Variants in LMF1 observed in about 807,000 individuals in gnomAD.
LMF1 encodes the protein lipase maturation factor 1.
A neutral mutation model predicts 60.6 loss-of-function variants in LMF1; 68 were observed. That is an observed-to-expected ratio of 1.12 (90% CI 0.92 to 1.37). LMF1 has a LOEUF of 1.37. Among genes scored for constraint, LMF1 ranks in the 40% most tolerant of loss-of-function variants. LMF1 has a pLI of 0.00. For missense variants in LMF1, 948 were observed against 767.2 expected, an observed-to-expected ratio of 1.24 and a Z score of -2.78; for synonymous variants, 418 against 324.7, an observed-to-expected ratio of 1.29 and a Z score of -3.09.
rs535682291 is a variant in LMF1, at chr16:870,351, G to A, written c.1233-285C>T. 4.8e-3 allele frequency among the ~76,000 whole-genome samples: 726 copies of A among 152,354 alleles called. 7 individuals carry two copies. Among genetic ancestry groups the A allele is most frequent in the African/African-American group, 0.017 (695 of 41,584 alleles). On this transcript the variant is annotated intron_variant, in intron 8 of 10. Transcript: ENST00000262301. ...CCTCGGCAGCTCAGGGTGGACATGA[G>A]GGGGACAGAGGCCAAGGGGCTGGCC...
At chr16:958,088 A>G (rs1489700485) in intron 1 of LMF1, among the ~76,000 whole-genome samples, 1 of 152,224 alleles carries the variant, frequency 6.6e-6, no homozygotes, top group Non-Finnish European at 1.5e-5. Flanking sequence ...TTACACAAAA[A>G]TTAACCAAAA....
chr16:895,026 C>T (rs1380861020), intron 4 of LMF1, among the ~76,000 whole-genome samples: 4 of 152,266 alleles, frequency 2.6e-5, no homozygotes, highest in African/African-American at 7.2e-5. Context: ...CAGGCAGAAG[C>T]GTGGGGTACA....
intron 3 of LMF1, among the ~76,000 whole-genome samples, chr16:919,418 G>A (rs932545879): frequency 1.1e-4 from 17 of 152,134 alleles, no homozygotes; most frequent in Non-Finnish European, 2.4e-4. Context: ...CACAGCTCCT[G>A]CCCCACCTTC....
intron 1 of LMF1, among the ~76,000 whole-genome samples, chr16:960,246 G>A (rs943042137): frequency 6.6e-6 from 1 of 152,230 alleles, no homozygotes; most frequent in African/African-American, 2.4e-5. Context: ...TGGAGGAGCT[G>A]AGCAGCAAAC....
Position 853,971 on chromosome 16 carries a change from T to A in LMF1, c.*561A>T, listed in dbSNP as rs1248959190. The A allele has an allele frequency of 2.2e-6, 1 of 453,658 alleles. No individual in the cohort carries two copies. Among genetic ancestry groups the A allele is most frequent in the Non-Finnish European group, 4.4e-6 (1 of 226,686 alleles). The allele number at this position is 453,658 out of a possible 1,614,324, so 28.1% of individuals were successfully genotyped here. On this transcript the variant is annotated 3_prime_UTR_variant, in exon 11 of 11. Transcript: ENST00000262301. ...GTGTAGGCTGTGGCGGGGGTGGAGA[T>A]GAGGGATAGGACAGAAAATGGCCCA...
intron 1 of LMF1, among the ~76,000 whole-genome samples, chr16:969,542 GCA>G (rs1158101297): frequency 6.6e-6 from 1 of 152,232 alleles, no homozygotes; most frequent in African/African-American, 2.4e-5. Flanking sequence ...GACGTGTGTG[GCA>G]CAAAGGCTGT....
rs1289781620 is a variant in LMF1, at chr16:878,930, G to A, written c.897+640C>T. Among the ~76,000 whole-genome samples, 1 of 152,218 alleles carries A rather than the reference G, an allele frequency of 6.6e-6. No individual in the cohort carries two copies. Among genetic ancestry groups the A allele is most frequent in the African/African-American group, 2.4e-5 (1 of 41,442 alleles). ...ACCACATTTTCCTTGGGAATTGACA[G>A]TCGGAATGTAGCGTTTACAGGGAAA... is the stretch of plus-strand genomic sequence containing the variant. On this transcript the variant is annotated intron_variant, in intron 6 of 10. Coordinates refer to ENST00000262301, the MANE Select transcript of LMF1 (RefSeq NM_022773.4). The surrounding 1 kb of genome is among the most constrained non-coding windows in gnomAD (Gnocchi z 5.2).
intron 1 of LMF1, chr16:964,088 G>A (rs1207147756): frequency 6.6e-6 from 3 of 455,972 alleles, no homozygotes; most frequent in East Asian, 7.0e-5. Flanking sequence ...ATACCGTGTC[G>A]CCCGAGCAGC....
chr16:925,234 A>C, intron 3 of LMF1, among the ~76,000 whole-genome samples: 1 of 152,246 alleles, frequency 6.6e-6, no homozygotes, highest in East Asian at 1.9e-4. Context: ...AGCCACGTTG[A>C]AGATTCTAGA....
chr16:859,210 C>CGCGA (rs2069338164), intron 10 of LMF1, among the ~76,000 whole-genome samples: 1 of 115,308 alleles, frequency 8.7e-6, no homozygotes, highest in Non-Finnish European at 1.7e-5. Flanking sequence ...AGTGGTGTCT[C>CGCGA]GGGACGGGTG....
chr16:911,167 C>T (rs1173199677), intron 3 of LMF1, 88 bp from the exon 4 acceptor site: 11 of 1,454,320 alleles, frequency 7.6e-6, no homozygotes, highest in East Asian at 7.4e-5. Flanking sequence ...TTAATGGAAA[C>T]GGTCCTTGAG....
At chr16:940,652 C>G (rs746874694) in intron 2 of LMF1, among the ~76,000 whole-genome samples, 4 of 152,246 alleles carry the variant, frequency 2.6e-5, no homozygotes, top group Non-Finnish European at 5.9e-5. Context: ...ATCCTTAGGT[C>G]AGATGACAAA....
chr16:980,729 G>C (rs1290794637), intron 1 of LMF1: 2 of 151,928 alleles, frequency 1.3e-5, no homozygotes, highest in Admixed American at 6.5e-5. Flanking sequence ...CCGGACCCGC[G>C]GTTGGACGTT....
intron 10 of LMF1, among the ~76,000 whole-genome samples, chr16:868,584 C>T (rs1020134224): frequency 1.3e-5 from 2 of 152,168 alleles, no homozygotes; most frequent in African/African-American, 4.8e-5. Context: ...GGAGTGAGGG[C>T]CCTGCCTGTC....
chr16:934,098 G>T, intron 3 of LMF1, 146 bp downstream of exon 3: 1 of 1,537,404 alleles, frequency 6.5e-7, no homozygotes, highest in Non-Finnish European at 8.7e-7. Context: ...CAGATCACAA[G>T]CGCCCATCAC....
chr16:964,275 G>A (rs1346195088), intron 1 of LMF1, among the ~76,000 whole-genome samples: 4 of 103,928 alleles, frequency 3.8e-5, no homozygotes, highest in Non-Finnish European at 5.6e-5. Context: ...CAGCCTGGGC[G>A]AAAAAGTGAA....
At chr16:964,029 A>G in intron 1 of LMF1, 1 of 456,020 alleles carries the variant, frequency 2.2e-6, no homozygotes, top group South Asian at 1.5e-5. Context: ...CGCCTCTCAC[A>G]GGGACCCAGA....
chr16:919,191 C>T (rs1050924846), intron 3 of LMF1, among the ~76,000 whole-genome samples: 2 of 152,126 alleles, frequency 1.3e-5, no homozygotes, highest in Non-Finnish European at 2.9e-5. Flanking sequence ...CGGCAGTCGG[C>T]GTTTCCAGGT....
At chr16:886,420 C>T (rs191390002) in intron 5 of LMF1, among the ~76,000 whole-genome samples, 4 of 152,170 alleles carry the variant, frequency 2.6e-5, no homozygotes, top group African/African-American at 9.6e-5. Flanking sequence ...CCTGCACTCG[C>T]CCAGTGGGCT....
Sources: allele counts gnomAD v4.1 joint callset (sites outside exome capture counted in the v4.1 genomes callset), GRCh38; gene constraint gnomAD v4.1.1; non-coding constraint Gnocchi (gnomAD v3.1); transcripts MANE v1.5; gene names NCBI Gene and HGNC (gene_info 2026-07-23, HGNC 2026-07-21).